Variants in AIG1 observed in about 807,000 individuals in gnomAD.
The protein encoded by AIG1 is androgen induced 1, also known as androgen-induced gene 1 protein.
AIG1 carries 23 observed loss-of-function variants against 31.4 expected under a neutral mutation model. The observed-to-expected ratio is 0.73, with a 90% confidence interval of 0.53 to 1.04. The LOEUF (loss-of-function observed/expected upper bound fraction) is 1.04, where lower values mean the gene tolerates loss of function less well. Among genes scored for constraint, AIG1 ranks in the 50% least tolerant of loss-of-function variants. AIG1 has a pLI of 0.00. For missense variants in AIG1, 274 were observed against 295.0 expected (o/e 0.93, Z 0.52); for synonymous variants, 100 against 110.5 (o/e 0.90, Z 0.60).
intron 4 of AIG1, among the ~76,000 whole-genome samples, chr6:143,289,931 A>G (rs1166380046): frequency 6.6e-6 from 1 of 152,206 alleles, no homozygotes; most frequent in Non-Finnish European, 1.5e-5. Flanking sequence ...AGTTAAACAA[A>G]TCTGGCCGAC....
chr6:143,296,610 A>G (rs995226910), intron 4 of AIG1, among the ~76,000 whole-genome samples: 2 of 152,220 alleles, frequency 1.3e-5, no homozygotes, highest in South Asian at 2.1e-4. Context: ...CAACAGAGGC[A>G]CACATTAAAA....
chr6:143,236,998 G>A (rs1467730739), intron 3 of AIG1, among the ~76,000 whole-genome samples: 1 of 152,052 alleles, frequency 6.6e-6, no homozygotes, highest in Admixed American at 6.5e-5. Context: ...TTTTTTGCAT[G>A]TAAGGAAATT....
At chr6:143,215,994 G>C (rs1792000112) in intron 3 of AIG1, among the ~76,000 whole-genome samples, 1 of 152,110 alleles carries the variant, frequency 6.6e-6, no homozygotes, top group Non-Finnish European at 1.5e-5. Flanking sequence ...AAAAACAGGT[G>C]GCTGGCTGGA....
At chr6:143,267,365 G>T (rs1453248023) in intron 3 of AIG1, among the ~76,000 whole-genome samples, 1 of 152,164 alleles carries the variant, frequency 6.6e-6, no homozygotes, top group Non-Finnish European at 1.5e-5. Context: ...TTACTGGATT[G>T]ATTTTTACTT....
chr6:143,181,792 G>A (rs931944760), intron 3 of AIG1, among the ~76,000 whole-genome samples: 15 of 150,970 alleles, frequency 9.9e-5, no homozygotes, highest in African/African-American at 3.2e-4. Flanking sequence ...GAGGAAAAGA[G>A]AAAAAGAAGG....
chr6:143,336,975 G>C (rs980103645), intron 5 of AIG1, among the ~76,000 whole-genome samples: 1 of 152,178 alleles, frequency 6.6e-6, no homozygotes, highest in Non-Finnish European at 1.5e-5. Context: ...GCTAGCGGGG[G>C]AAATTCCATT....
At chr6:143,189,396 A>T (rs934538352) in intron 3 of AIG1, 2 of 979,226 alleles carry the variant, frequency 2.0e-6, no homozygotes, top group African/African-American at 3.5e-5. Context: ...CTCACATTTT[A>T]TATAGTAACT....
intron 1 of AIG1, among the ~76,000 whole-genome samples, chr6:143,061,877 G>A (rs1776290754): frequency 6.6e-6 from 1 of 152,220 alleles, no homozygotes; most frequent in Admixed American, 6.5e-5. Flanking sequence ...ATGGGCATAA[G>A]GCCCAATAAT....
At chr6:143,217,058 CAATTG>C (rs1197530269) in intron 3 of AIG1, among the ~76,000 whole-genome samples, 1 of 152,200 alleles carries the variant, frequency 6.6e-6, no homozygotes, top group Non-Finnish European at 1.5e-5. Flanking sequence ...TTGACATATT[CAATTG>C]AGAAGTTTTT....
chr6:143,103,045 C>T (rs1780447165), intron 1 of AIG1, among the ~76,000 whole-genome samples: 1 of 152,134 alleles, frequency 6.6e-6, no homozygotes, highest in Non-Finnish European at 1.5e-5. Context: ...CACTAAATTA[C>T]ACATTTAAAA....
At chr6:143,134,604 A>G (rs1401152567) in intron 1 of AIG1, among the ~76,000 whole-genome samples, 1 of 152,030 alleles carries the variant, frequency 6.6e-6, no homozygotes, top group Non-Finnish European at 1.5e-5. Context: ...TCTGCAGGAA[A>G]TGCCCTTTAT....
chr6:143,342,873 G>C (rs774960154), downstream of AIG1: 1 of 852,668 alleles, frequency 1.2e-6, no homozygotes. Flanking sequence ...CTCCAATGTT[G>C]CTGTCAACAT....
chr6:143,307,364 C>A (rs1296596826), intron 4 of AIG1, among the ~76,000 whole-genome samples: 1 of 152,132 alleles, frequency 6.6e-6, no homozygotes, highest in Middle Eastern at 3.2e-3. Flanking sequence ...TGGTGATGTA[C>A]AGATGGGTTT....
At chr6:143,062,191 T>C (rs1239990069) in intron 1 of AIG1, among the ~76,000 whole-genome samples, 3 of 152,210 alleles carry the variant, frequency 2.0e-5, no homozygotes, top group Non-Finnish European at 4.4e-5. Flanking sequence ...GGTTTAAAAA[T>C]AACACCTTAT....
At chr6:143,075,638 C>T (rs1022054895) in intron 1 of AIG1, among the ~76,000 whole-genome samples, 2 of 151,998 alleles carry the variant, frequency 1.3e-5, no homozygotes, top group Non-Finnish European at 2.9e-5. Flanking sequence ...TATTTTCTTC[C>T]TTTTGTTTGT....
chr6:143,244,406 G>A (rs1794467051), intron 3 of AIG1, among the ~76,000 whole-genome samples: 2 of 152,200 alleles, frequency 1.3e-5, no homozygotes, highest in Non-Finnish European at 2.9e-5. Flanking sequence ...TAGGTAAGAT[G>A]TTAAGGGTTT....
At position 143,194,470 on chromosome 6, in the gene AIG1, T is replaced by C. The variant is rs182938891; in HGVS notation, c.399+29287T>C. 2.6e-5 allele frequency among the ~76,000 whole-genome samples: 4 copies of C among 152,316 alleles called. 1 individual carries two copies. The highest frequency in any genetic ancestry group is 9.6e-5 in the African/African-American group (4 of 41,564). On this transcript the variant is annotated intron_variant, in intron 3 of 5. Transcript: ENST00000357847. The stretch of plus-strand genomic sequence containing the variant: ...ACAGAGCCAAACCAAATCGCCCTAT[T>C]ATGTTGATGAGCACGGAAAAGTCCT...
intron 4 of AIG1, among the ~76,000 whole-genome samples, chr6:143,321,953 C>T (rs1776250660): frequency 6.6e-6 from 1 of 152,230 alleles, no homozygotes; most frequent in Admixed American, 6.5e-5. Context: ...AGGTCTGACA[C>T]CTTCTAGGCG....
intron 1 of AIG1, among the ~76,000 whole-genome samples, chr6:143,114,686 A>G (rs924593767): frequency 3.3e-5 from 5 of 152,248 alleles, no homozygotes; most frequent in African/African-American, 1.2e-4. Context: ...CTGGATCAAT[A>G]GAACATAGTA....
Sources: gnomAD v4.1 joint callset for allele counts (sites outside exome capture counted in the v4.1 genomes callset) on GRCh38, gnomAD v4.1.1 for gene constraint, MANE v1.5 for transcripts, NCBI Gene and HGNC (gene_info 2026-07-23, HGNC 2026-07-21) for gene names.